IQCE: variants seen among roughly 807,000 people sequenced by gnomAD.
IQCE encodes the protein IQ domain-containing protein E.
IQCE carries 115 observed loss-of-function variants against 96.0 expected under a neutral mutation model. The observed-to-expected ratio is 1.20, with a 90% CI of 1.03 to 1.40. The LOEUF (loss-of-function observed/expected upper bound fraction) is 1.40. Ranked by LOEUF, IQCE falls within the 40% of genes most tolerant of loss-of-function variation. IQCE has a pLI of 0.00. For synonymous variants in IQCE, 412 were observed against 371.2 expected (o/e 1.11, Z -1.26); for missense variants, 1,041 against 909.1 (o/e 1.15, Z -1.87).
chr7:2,592,315 T>C (rs1783663558), intron 14 of IQCE, among the ~76,000 whole-genome samples: 1 of 152,226 alleles, frequency 6.6e-6, no homozygotes, highest in African/African-American at 2.4e-5. Context: ...ACAGAGTTCA[T>C]AGACATTAGG....
chr7:2,575,449 C>T (rs1243600496), intron 6 of IQCE, among the ~76,000 whole-genome samples: 2 of 152,270 alleles, frequency 1.3e-5, no homozygotes, highest in African/African-American at 2.4e-5. Context: ...TGTACTGCTC[C>T]TGCTCAGCCT....
chr7:2,596,031 C>G (rs766296580), intron 16 of IQCE, among the ~76,000 whole-genome samples: 2 of 152,226 alleles, frequency 1.3e-5, no homozygotes, highest in African/African-American at 4.8e-5. Flanking sequence ...CAGATGTGAG[C>G]CCATGCATGT....
intron 20 of IQCE, among the ~76,000 whole-genome samples, chr7:2,606,902 G>A (rs927705508): frequency 2.6e-5 from 4 of 152,170 alleles, no homozygotes; most frequent in South Asian, 2.1e-4. Flanking sequence ...CATGGTCCCC[G>A]AGGAGATGGA....
intron 2 of IQCE, among the ~76,000 whole-genome samples, chr7:2,567,767 G>A (rs76170914): frequency 0.01 from 1,570 of 152,344 alleles, 21 homozygotes; most frequent in African/African-American, 0.036. Flanking sequence ...GAACGAACCC[G>A]GCACCAGCAG....
chr7:2,607,975 G>A (rs557640450), intron 21 of IQCE, among the ~76,000 whole-genome samples: 1 of 152,306 alleles, frequency 6.6e-6, no homozygotes, highest in East Asian at 1.9e-4. Flanking sequence ...GTCAGGCGAA[G>A]GGCTTTGCTG....
intron 21 of IQCE, among the ~76,000 whole-genome samples, chr7:2,608,050 A>G (rs1176084363): frequency 6.6e-6 from 1 of 152,212 alleles, no homozygotes; most frequent in Non-Finnish European, 1.5e-5. Flanking sequence ...AAGGAAAACC[A>G]CAAAGGAAGA....
At chr7:2,564,589 T>C (rs1448416292) in intron 1 of IQCE, among the ~76,000 whole-genome samples, 1 of 151,974 alleles carries the variant, frequency 6.6e-6, no homozygotes, top group Non-Finnish European at 1.5e-5. Context: ...CAAGGCGAGA[T>C]TCTGTCTCAA....
At chr7:2,593,750 G>A (rs1389561524) in intron 15 of IQCE, among the ~76,000 whole-genome samples, 1 of 152,250 alleles carries the variant, frequency 6.6e-6, no homozygotes, top group Admixed American at 6.5e-5. Context: ...GACGAGCATG[G>A]CTTCCTTTCT....
chr7:2,572,286 C>T lies in IQCE; in HGVS notation c.354C>T (p.Phe118=), dbSNP rs549336003. 5 of 1,614,198 alleles carry T rather than the reference C, an allele frequency of 3.1e-6. No individual in the cohort carries two copies. The highest frequency in any genetic ancestry group is 1.3e-5 in the African/African-American group (1 of 75,078). The change falls in exon 5 of 22, where the codon TTC becomes TTT. Residue 118 remains phenylalanine (F), a synonymous_variant. Coordinates refer to ENST00000402050, the MANE Select transcript of IQCE (RefSeq NM_152558.5). ...GGTPDCLTDT[F]RVKRPHLRRS... is the part of the protein sequence containing the mutation. ...CTCCTGACTGTCTGACAGACACCTT[C>T]AGAGTGAAGAGGCCACATCTCAGGC...
At chr7:2,576,966 G>T (rs539575447) in intron 6 of IQCE, among the ~76,000 whole-genome samples, 1 of 152,278 alleles carries the variant, frequency 6.6e-6, no homozygotes, top group Non-Finnish European at 1.5e-5. Context: ...TCCGTGGGAC[G>T]GGGTTTCTCA....
intron 1 of IQCE, among the ~76,000 whole-genome samples, chr7:2,564,108 A>T (rs538053449): frequency 6.6e-6 from 1 of 152,194 alleles, no homozygotes; most frequent in African/African-American, 2.4e-5. Context: ...GCTACTGAGG[A>T]GGCTGAGGCA....
At chr7:2,595,170 C>T (rs546042017) in intron 16 of IQCE, among the ~76,000 whole-genome samples, 194 bp downstream of exon 16, 18 of 152,356 alleles carry the variant, frequency 1.2e-4, no homozygotes, top group African/African-American at 4.3e-4. Flanking sequence ...TGACTGTCAG[C>T]AAATTGACTT....
chr7:2,575,515 C>T (rs1782053117), intron 6 of IQCE, among the ~76,000 whole-genome samples: 1 of 152,230 alleles, frequency 6.6e-6, no homozygotes, highest in South Asian at 2.1e-4. Flanking sequence ...CCGACTCTGC[C>T]CGACCTCCTC....
rs78104931 is a variant in IQCE at position 2,586,332 on chromosome 7, C to A, written c.949C>A (p.Arg317Ser). The A allele has an allele frequency of 6.2e-7, 1 of 1,613,650 alleles. No homozygotes were observed. The highest frequency in any genetic ancestry group is 8.5e-7 in the Non-Finnish European group (1 of 1,179,886). Residue 317 changes from arginine to serine, a missense_variant, in exon 12 of 22, where the codon CGC becomes AGC. By Grantham distance (110) the Arg-to-Ser change is moderately radical. Transcript: ENST00000402050. ...ENQSLKEDLD[R>S]VLSTSPTISK... ...CCAGAGCCTGAAGGAGGACCTGGAC[C>A]GCGTGCTGAGCACCTCCCCAACCAT...
At chr7:2,603,036 GCCTCCTGGT>G (rs1259346854) in intron 18 of IQCE, among the ~76,000 whole-genome samples, 2 of 152,086 alleles carry the variant, frequency 1.3e-5, no homozygotes, top group African/African-American at 2.4e-5. Context: ...TCCGTGCCTG[GCCTCCTGGT>G]CCCTAGACCT....
chr7:2,606,232 G>T (rs1784815765), intron 20 of IQCE, among the ~76,000 whole-genome samples: 1 of 152,328 alleles, frequency 6.6e-6, no homozygotes, highest in South Asian at 2.1e-4. Flanking sequence ...GGCCTTTCCA[G>T]AGTCGCTTCT....
intron 6 of IQCE, among the ~76,000 whole-genome samples, chr7:2,575,010 G>T (rs1455388432): frequency 2.0e-5 from 3 of 152,228 alleles, no homozygotes; most frequent in Non-Finnish European, 4.4e-5. Context: ...GGTCACTGGC[G>T]CATCTTTGTG....
At chr7:2,597,107 C>CT (rs1432021794) in intron 16 of IQCE, 2 of 470,520 alleles carry the variant, frequency 4.3e-6, no homozygotes, top group Admixed American at 2.3e-5. Context: ...GGGCCAGGGC[C>CT]TTTATCATGA....
At chr7:2,570,512 G>A (rs1047276811) in intron 3 of IQCE, among the ~76,000 whole-genome samples, 3 of 151,752 alleles carry the variant, frequency 2.0e-5, no homozygotes, top group South Asian at 4.2e-4. Context: ...GGGTCCCTGC[G>A]TCTTTATTCC....
Sources: gnomAD v4.1 joint callset for allele counts (sites outside exome capture counted in the v4.1 genomes callset) on GRCh38, gnomAD v4.1.1 for gene constraint, MANE v1.5 for transcripts, NCBI Gene and HGNC (gene_info 2026-07-23, HGNC 2026-07-21) for gene names.